The following PTPRT variants were observed in gnomAD, a reference collection of about 807,000 sequenced individuals.
The protein encoded by PTPRT is protein tyrosine phosphatase receptor type T.
Under a neutral mutation model 176.8 loss-of-function variants are expected in PTPRT, and 56 were observed. The ratio of observed to expected loss-of-function variants is 0.32; its 90% CI spans 0.26 to 0.40. The LOEUF is 0.40. PTPRT is among the 10% of genes least tolerant of loss of function. The pLI is 1.00. For missense variants in PTPRT, 1,540 were observed against 1,908.2 expected (o/e 0.81, Z 3.60); for synonymous variants, 783 against 739.0 (o/e 1.06, Z -0.96).
chr20:43,065,877 G>GA (rs141250703), intron 1 of PTPRT, among the ~76,000 whole-genome samples: 9 of 151,878 alleles, frequency 5.9e-5, no homozygotes, highest in Non-Finnish European at 1.0e-4. Context: ...TACAGTTGGG[G>GA]AAAAAAAGGT....
At chr20:42,599,968 A>G (rs1325075511) in intron 7 of PTPRT, among the ~76,000 whole-genome samples, 1 of 151,994 alleles carries the variant, frequency 6.6e-6, no homozygotes, top group East Asian at 1.9e-4. Context: ...AGCTTACTAC[A>G]TCACTCTTTG....
chr20:42,201,975 G>GTGTGTGTGTGTGTGTGTA (rs1380398908), intron 15 of PTPRT, among the ~76,000 whole-genome samples: 292 of 151,398 alleles, frequency 1.9e-3, no homozygotes, highest in African/African-American at 6.7e-3. Context: ...GTGTGTGTGT[G>GTGTGTGTGTGTGTGTGTA]TGTATGTATG....
chr20:42,670,260 G>A (rs1336003350), intron 7 of PTPRT, among the ~76,000 whole-genome samples: 1 of 152,082 alleles, frequency 6.6e-6, no homozygotes, highest in Non-Finnish European at 1.5e-5. Context: ...TCTCTGCAAG[G>A]CATATAACTT....
intron 1 of PTPRT, among the ~76,000 whole-genome samples, chr20:43,037,765 C>T (rs1287801376): frequency 1.3e-5 from 2 of 152,132 alleles, no homozygotes; most frequent in Non-Finnish European, 2.9e-5. Context: ...CATACAGGAA[C>T]GTAAAATCTC....
chr20:42,770,783 A>G (rs1421241203), intron 5 of PTPRT, among the ~76,000 whole-genome samples: 1 of 152,204 alleles, frequency 6.6e-6, no homozygotes, highest in Non-Finnish European at 1.5e-5. Context: ...AGTAATCTGC[A>G]ATTAAAAGAC....
At chr20:43,095,627 G>A (rs1305775590) in intron 1 of PTPRT, among the ~76,000 whole-genome samples, 1 of 127,334 alleles carries the variant, frequency 7.9e-6, no homozygotes, top group East Asian at 2.4e-4. Flanking sequence ...CTCCCCCACC[G>A]ATCTCTCTCC....
At chr20:42,818,353 C>G (rs1483771286) in intron 2 of PTPRT, among the ~76,000 whole-genome samples, 1 of 149,594 alleles carries the variant, frequency 6.7e-6, no homozygotes, top group Non-Finnish European at 1.5e-5. Flanking sequence ...ACAACAACAA[C>G]AAAAAGACCC....
intron 9 of PTPRT, among the ~76,000 whole-genome samples, chr20:42,440,936 C>T (rs1307251839): frequency 6.6e-6 from 1 of 152,172 alleles, no homozygotes; most frequent in Non-Finnish European, 1.5e-5. Context: ...GGATGAAGCC[C>T]ATCATATGGG....
chr20:42,279,273 T>C (rs1275726386), intron 13 of PTPRT, among the ~76,000 whole-genome samples: 1 of 152,032 alleles, frequency 6.6e-6, no homozygotes, highest in Non-Finnish European at 1.5e-5. Context: ...AACATCCTTA[T>C]TGGATTAGGT....
intron 1 of PTPRT, among the ~76,000 whole-genome samples, chr20:43,138,194 C>T (rs1430551807): frequency 6.6e-6 from 1 of 152,218 alleles, no homozygotes; most frequent in Non-Finnish European, 1.5e-5. Flanking sequence ...CAATGCAAGG[C>T]ATGATTCTAG....
intron 2 of PTPRT, among the ~76,000 whole-genome samples, chr20:42,884,528 G>C (rs1479047674): frequency 6.6e-6 from 1 of 152,146 alleles, no homozygotes; most frequent in African/African-American, 2.4e-5. Flanking sequence ...GGTTGTGTAG[G>C]TGTAAAATTC....
intron 22 of PTPRT, among the ~76,000 whole-genome samples, chr20:42,110,995 C>T (rs1343458258): frequency 6.6e-6 from 1 of 152,186 alleles, no homozygotes; most frequent in Admixed American, 6.5e-5. Flanking sequence ...TTAGTACTGA[C>T]TTCTTTATTA....
At chr20:42,323,609 T>C (rs1405991294) in intron 11 of PTPRT, among the ~76,000 whole-genome samples, 2 of 151,462 alleles carry the variant, frequency 1.3e-5, no homozygotes, top group African/African-American at 4.9e-5. Context: ...TGGGGACTGT[T>C]GTGGGGTAGG....
intron 1 of PTPRT, among the ~76,000 whole-genome samples, chr20:43,080,867 A>C (rs1033852366): frequency 5.9e-5 from 9 of 152,358 alleles, no homozygotes; most frequent in African/African-American, 1.9e-4. Flanking sequence ...TGGGTCCTTC[A>C]GTCATCACAT....
At chr20:42,848,915 G>T (rs753821822) in intron 2 of PTPRT, among the ~76,000 whole-genome samples, 2 of 152,044 alleles carry the variant, frequency 1.3e-5, no homozygotes, top group African/African-American at 4.8e-5. Context: ...GGTTTTTTCC[G>T]ATGTTATCTT....
At chr20:43,138,707 C>G (rs1254534030) in intron 1 of PTPRT, among the ~76,000 whole-genome samples, 1 of 152,168 alleles carries the variant, frequency 6.6e-6, no homozygotes, top group South Asian at 2.1e-4. Context: ...GGGATTCAGT[C>G]TAAGTGGAGC....
chr20:42,220,187 A>G (rs761396331), intron 15 of PTPRT, among the ~76,000 whole-genome samples: 40 of 152,198 alleles, frequency 2.6e-4, no homozygotes, highest in Non-Finnish European at 5.0e-4. Flanking sequence ...CAAAATACAC[A>G]TGGGACCTAC....
In PTPRT at chr20:42,145,541, G is replaced by GAT. The variant is rs574647071; in HGVS notation, c.2683-3541_2683-3540dup. On this transcript the variant is annotated intron_variant, in intron 17 of 30. Transcript: ENST00000373187. ...AGATAGATAGATAGATAGATAGATAGATAGATGGATGTTGGGCTGGATTTA... is the reference window on the plus strand; with the variant it reads ...AGATAGATAGATAGATAGATAGATAGATATAGATGGATGTTGGGCTGGATTTA... 5.7e-4 allele frequency among the ~76,000 whole-genome samples: 87 copies of GAT among 151,968 alleles called. No homozygotes were observed. The South Asian group carries it at 8.1e-3, about 14-fold the overall frequency.
rs147826989 is a variant in PTPRT at position 42,926,170 on chromosome 20, G to C, written c.89-40238C>G. ...CCTTCAGACCTGTTGCCTCTATGCA[G>C]CAGGCTCTGCACCTGCCTGAGGGGT... On this transcript the variant is annotated intron_variant, in intron 1 of 30. Coordinates refer to ENST00000373187, the MANE Select transcript of PTPRT (RefSeq NM_007050.6). Among the ~76,000 whole-genome samples the C allele has an allele frequency of 2.5e-3, 385 of 152,280 alleles. 1 individual carries two copies. The highest frequency in any genetic ancestry group is 8.8e-3 in the African/African-American group (365 of 41,562).
Sources: gnomAD v4.1 joint callset for allele counts (sites outside exome capture counted in the v4.1 genomes callset) on GRCh38, gnomAD v4.1.1 for gene constraint, MANE v1.5 for transcripts, NCBI Gene and HGNC (gene_info 2026-07-23, HGNC 2026-07-21) for gene names.